The following VAMP7 variants were observed in gnomAD, a reference collection of about 807,000 sequenced individuals.
VAMP7 encodes vesicle associated membrane protein 7.
Under a neutral mutation model 29.6 loss-of-function variants are expected in VAMP7, and 14 were observed. The observed-to-expected ratio is 0.47, with a 90% confidence interval of 0.31 to 0.74. The LOEUF is 0.74. VAMP7 is among the 30% of genes least tolerant of loss of function. VAMP7 has a pLI of 0.05. For synonymous variants in VAMP7, 95 were observed against 88.1 expected (o/e 1.08, Z -0.44); for missense variants, 223 against 262.4 (o/e 0.85, Z 1.04).
Position 155,943,724 on chromosome X carries a change from A to G in VAMP7, c.*1773A>G, listed in dbSNP as rs779033340. On this transcript the variant is annotated 3_prime_UTR_variant, in exon 8 of 8. Transcript: ENST00000286448. Reference sequence around the variant, plus strand: ...TAAAGCACATGTCTCATTTTAAATGACGCACAAACTGAAGATGTTAATAAA... The same window carrying G: ...TAAAGCACATGTCTCATTTTAAATGGCGCACAAACTGAAGATGTTAATAAA... 6.6e-6 allele frequency: 1 copy of G among 152,310 alleles called. No homozygotes were observed. Among genetic ancestry groups the G allele is most frequent in the African/African-American group, 2.4e-5 (1 of 41,572 alleles). The allele number at this position is 152,310 out of a possible 1,614,324, so 9.4% of individuals were successfully genotyped here. A position where few individuals can be genotyped will look rare whatever the true frequency, so the allele number is the denominator to read the frequency against.
At chrX:155,935,180 G>A (rs1488508242) in intron 6 of VAMP7, among the ~76,000 whole-genome samples, 4 of 151,876 alleles carry the variant, frequency 2.6e-5, no homozygotes, top group Admixed American at 1.3e-4. Context: ...TATGTGTCTC[G>A]GAGTTGCTCT....
chrX:155,918,485 G>C (rs1253551657), intron 5 of VAMP7, among the ~76,000 whole-genome samples: 1 of 152,154 alleles, frequency 6.6e-6, no homozygotes, highest in African/African-American at 2.4e-5. Flanking sequence ...AAGACTGTGG[G>C]AAAAGCATAG....
At chrX:155,924,299 A>G (rs1456540970) in intron 6 of VAMP7, among the ~76,000 whole-genome samples, 3 of 152,194 alleles carry the variant, frequency 2.0e-5, no homozygotes, top group Non-Finnish European at 2.9e-5. Context: ...TGTATAGCAT[A>G]AAATTTTGCC....
chrX:155,918,531 G>T (rs2066346326), intron 5 of VAMP7, among the ~76,000 whole-genome samples: 1 of 152,142 alleles, frequency 6.6e-6, no homozygotes, highest in African/African-American at 2.4e-5. Context: ...TCACGGCACG[G>T]TCCCTCAAGG....
At chrX:155,893,314 G>A (rs1245583174) in intron 2 of VAMP7, among the ~76,000 whole-genome samples, 1 of 152,142 alleles carries the variant, frequency 6.6e-6, no homozygotes, top group Non-Finnish European at 1.5e-5. Context: ...AGATAGGTCA[G>A]ATGGAGATTT....
In VAMP7 at chrX:155,889,349, C is replaced by T; in HGVS notation, c.-9-109C>T. The T allele has an allele frequency of 2.1e-6, 3 of 1,409,318 alleles. 1 individual carries two copies. In the East Asian group the frequency reaches 7.0e-5, roughly 33 times the overall value. The allele number at this position is 1,409,318 out of a possible 1,614,324, so 87.3% of individuals were successfully genotyped here. A position where few individuals can be genotyped will look rare whatever the true frequency, so the allele number is the denominator to read the frequency against. ...TGTTGTTAAGTTTCATGTTATAGTG[C>T]CTCGTTAGATACTATCTCCAGGTAG... On this transcript the variant is annotated intron_variant, in intron 1 of 7. Coordinates refer to ENST00000286448, the MANE Select transcript of VAMP7 (RefSeq NM_005638.6).
At chrX:155,921,224 C>T (rs188665307) in intron 6 of VAMP7, among the ~76,000 whole-genome samples, 5 of 152,244 alleles carry the variant, frequency 3.3e-5, no homozygotes, top group African/African-American at 9.6e-5. Context: ...TACTAATGAA[C>T]TAACAGGTAT....
Position 155,923,356 on chromosome X carries a change from C to T in VAMP7, c.501+3476C>T, listed in dbSNP as rs755945306. ...TAACATATAATCTTCCATTGTAGTT[C>T]AAGTGTGTAGGTCTACTGGAAATGA... On this transcript the variant is annotated intron_variant, in intron 6 of 7. Transcript: ENST00000286448. 8.6e-5 allele frequency among the ~76,000 whole-genome samples: 13 copies of T among 150,988 alleles called. No homozygotes were observed. In the East Asian group the frequency reaches 2.1e-3, roughly 25 times the overall value.
chrX:155,932,121 T>C (rs2066568485), intron 6 of VAMP7, among the ~76,000 whole-genome samples: 2 of 152,176 alleles, frequency 1.3e-5, no homozygotes, highest in African/African-American at 4.8e-5. Context: ...CCTTGCAGTA[T>C]AGTTTGAAGT....
At chrX:155,901,355 TA>T (rs1387165151) in intron 5 of VAMP7, among the ~76,000 whole-genome samples, 1 of 151,242 alleles carries the variant, frequency 6.6e-6, no homozygotes, top group African/African-American at 2.5e-5. Flanking sequence ...TATTTATTTT[TA>T]TTCTTTTTTT....
rs1271433802 is a variant in VAMP7 at position 155,934,147 on chromosome X, G to A, written c.502-5554G>A. ...ATGTGGTCAATTTTGGAATAAGTGC[G>A]ATGTGGTGCTGAGAAGAATGTATAT... On this transcript the variant is annotated intron_variant, in intron 6 of 7. Coordinates refer to ENST00000286448, the MANE Select transcript of VAMP7 (RefSeq NM_005638.6). Among the ~76,000 whole-genome samples the A allele has an allele frequency of 3.3e-5, 5 of 152,266 alleles. No homozygotes were observed. The East Asian group carries it at 5.8e-4, about 18-fold the overall frequency.
intron 6 of VAMP7, among the ~76,000 whole-genome samples, chrX:155,925,011 C>G (rs1012430361): frequency 3.9e-5 from 6 of 152,186 alleles, no homozygotes; most frequent in African/African-American, 1.4e-4. Context: ...GCATAAGAAA[C>G]AACTCCTCAT....
chrX:155,906,897 G>C (rs1408693553), intron 5 of VAMP7, among the ~76,000 whole-genome samples: 1 of 152,130 alleles, frequency 6.6e-6, no homozygotes, highest in Non-Finnish European at 1.5e-5. Context: ...CCTGCTCTTA[G>C]GGAGATCTTG....
chrX:155,899,955 T>A (rs758664582), intron 4 of VAMP7, among the ~76,000 whole-genome samples: 1 of 152,164 alleles, frequency 6.6e-6, no homozygotes, highest in Admixed American at 6.6e-5. Context: ...TAGCTATGGA[T>A]AAATAATTTC....
intron 6 of VAMP7, among the ~76,000 whole-genome samples, chrX:155,928,571 T>C (rs978981501): frequency 6.6e-6 from 1 of 152,110 alleles, no homozygotes; most frequent in African/African-American, 2.4e-5. Flanking sequence ...GTGTCAAGCC[T>C]CCATCTACTT....
intron 4 of VAMP7, among the ~76,000 whole-genome samples, chrX:155,898,747 A>G (rs1356862874): frequency 6.6e-6 from 1 of 152,046 alleles, no homozygotes; most frequent in Non-Finnish European, 1.5e-5. Context: ...AAGTTCCCTC[A>G]TATCCCTTAC....
At chrX:155,898,985 C>T (rs1370113936) in intron 4 of VAMP7, among the ~76,000 whole-genome samples, 1 of 151,928 alleles carries the variant, frequency 6.6e-6, no homozygotes, top group African/African-American at 2.4e-5. Context: ...GTTTGTTCCC[C>T]TTTTTGCTAA....
At chrX:155,939,962 C>G (rs2066719701) in intron 7 of VAMP7, among the ~76,000 whole-genome samples, 169 bp downstream of exon 7, 1 of 151,926 alleles carries the variant, frequency 6.6e-6, no homozygotes, top group Non-Finnish European at 1.5e-5. Flanking sequence ...TGAAATATCT[C>G]TACTTAAACC....
chrX:155,888,541 T>C (rs1026248010), intron 1 of VAMP7, among the ~76,000 whole-genome samples: 1 of 152,202 alleles, frequency 6.6e-6, no homozygotes, highest in Non-Finnish European at 1.5e-5. Context: ...TTTGTTCATC[T>C]CTTTTTATGT....
Sources: allele counts gnomAD v4.1 joint callset (sites outside exome capture counted in the v4.1 genomes callset), GRCh38; gene constraint gnomAD v4.1.1; transcripts MANE v1.5; gene names NCBI Gene and HGNC (gene_info 2026-07-23, HGNC 2026-07-21).